Variants in ST6GALNAC2 observed in about 807,000 individuals in gnomAD.
ST6GALNAC2 encodes ST6 N-acetylgalactosaminide alpha-2,6-sialyltransferase 2.
ST6GALNAC2 carries 42 observed loss-of-function variants against 38.7 expected under a neutral mutation model. That is an observed-to-expected ratio of 1.09 (90% CI 0.85 to 1.40). The LOEUF is 1.40. ST6GALNAC2 is among the 40% of genes most tolerant of loss of function. The pLI, the probability that ST6GALNAC2 is intolerant of heterozygous loss-of-function variation, is 0.00. For missense variants in ST6GALNAC2, 506 were observed against 481.7 expected, an observed-to-expected ratio of 1.05 and a Z score of -0.47; for synonymous variants, 233 against 209.0, an observed-to-expected ratio of 1.11 and a Z score of -0.99.
In ST6GALNAC2 at chr17:76,570,645, G is replaced by C. The variant is rs975406436; in HGVS notation, c.693C>G (p.Pro231=). Residue 231 remains proline (P), a synonymous_variant, in exon 6 of 9, where the codon CCC becomes CCG. Transcript: ENST00000225276. ...GCATCACATAGTCGCGGATGTCTGA[G>C]GGGATGAAGATATACTGCAGGTCCT... ...QGQDLQYIFI[P]SDIRDYVMLR... 2.5e-6 allele frequency: 4 copies of C among 1,612,652 alleles called. No homozygotes were observed. The highest frequency in any genetic ancestry group is 3.4e-6 in the Non-Finnish European group (4 of 1,179,568).
intron 1 of ST6GALNAC2, among the ~76,000 whole-genome samples, chr17:76,580,106 T>C (rs1267841688): frequency 6.6e-6 from 1 of 152,134 alleles, no homozygotes; most frequent in Non-Finnish European, 1.5e-5. Flanking sequence ...ACAGAGACTG[T>C]ATGTTAGCAC....
intron 1 of ST6GALNAC2, among the ~76,000 whole-genome samples, chr17:76,581,308 C>T (rs750014330): frequency 2.0e-5 from 3 of 152,022 alleles, no homozygotes; most frequent in South Asian, 2.1e-4. Context: ...GGAACTAGGA[C>T]GGTGGTGCTC....
At chr17:76,577,966 G>A (rs1465875175) in intron 2 of ST6GALNAC2, among the ~76,000 whole-genome samples, 1 of 152,136 alleles carries the variant, frequency 6.6e-6, no homozygotes, top group Non-Finnish European at 1.5e-5. Flanking sequence ...AGCATGCAGT[G>A]AAATCTTTCT....
intron 1 of ST6GALNAC2, 38 bp downstream of exon 1, chr17:76,585,646 C>T (rs768590343): frequency 2.7e-6 from 4 of 1,502,990 alleles, no homozygotes; most frequent in South Asian, 2.5e-5. Flanking sequence ...GCCCTGGTCG[C>T]CCCTGCGCCC....
At chr17:76,582,722 T>C (rs903731723) in intron 1 of ST6GALNAC2, among the ~76,000 whole-genome samples, 2 of 152,170 alleles carry the variant, frequency 1.3e-5, no homozygotes, top group Non-Finnish European at 2.9e-5. Flanking sequence ...CAGATGCCCA[T>C]CTTCCTGGAC....
intron 1 of ST6GALNAC2, among the ~76,000 whole-genome samples, chr17:76,584,659 A>G (rs1239920415): frequency 6.6e-6 from 1 of 152,142 alleles, no homozygotes; most frequent in Non-Finnish European, 1.5e-5. Flanking sequence ...CCTTTGTTCT[A>G]AGAGTGCTGG....
At chr17:76,578,870 G>A in intron 1 of ST6GALNAC2, 54 bp from the exon 2 acceptor site, 1 of 1,557,972 alleles carries the variant, frequency 6.4e-7, no homozygotes. Context: ...CTACCCCTTG[G>A]AAGCTTTTGG....
In ST6GALNAC2 at chr17:76,566,025, A is replaced by G; in HGVS notation, c.*79T>C. Reference sequence around the variant, plus strand: ...GTTGGCAAGGGAAGGTGAAGATTGAAAAGTTAAAAAAGCTTTTGGCCACTT... The same window carrying G: ...GTTGGCAAGGGAAGGTGAAGATTGAGAAGTTAAAAAAGCTTTTGGCCACTT... On this transcript the variant is annotated 3_prime_UTR_variant, in exon 9 of 9. Transcript: ENST00000225276. The G allele has an allele frequency of 6.8e-7, 1 of 1,473,282 alleles. No homozygotes were observed. The highest frequency in any genetic ancestry group is 1.4e-5 in the African/African-American group (1 of 70,564). 91.3% of individuals were successfully genotyped at this position (1,473,282 alleles called of 1,614,324 possible). A position where few individuals can be genotyped will look rare whatever the true frequency, so the allele number is the denominator to read the frequency against.
intron 6 of ST6GALNAC2, chr17:76,569,029 G>C (rs1340608794): frequency 2.9e-6 from 1 of 346,382 alleles, no homozygotes; most frequent in Admixed American, 4.7e-5. Context: ...GAGAGAGGAG[G>C]GGGGCATGAA....
At chr17:76,574,642 G>C in intron 2 of ST6GALNAC2, 103 bp from the exon 3 acceptor site, 1 of 966,976 alleles carries the variant, frequency 1.0e-6, no homozygotes, top group Non-Finnish European at 1.5e-6. Flanking sequence ...GGGAAGGCCT[G>C]CCCTGTCCCC....
At chr17:76,583,516 G>A (rs1369652893) in intron 1 of ST6GALNAC2, among the ~76,000 whole-genome samples, 2 of 151,748 alleles carry the variant, frequency 1.3e-5, no homozygotes, top group Non-Finnish European at 2.9e-5. Flanking sequence ...GTCCCCAAAA[G>A]ATTATTTTTA....
chr17:76,581,679 T>C (rs2075477343), intron 1 of ST6GALNAC2, among the ~76,000 whole-genome samples: 2 of 152,102 alleles, frequency 1.3e-5, no homozygotes, highest in South Asian at 4.1e-4. Context: ...CCGCTCCTAC[T>C]GATCCTTCCA....
intron 6 of ST6GALNAC2, 40 bp from the exon 7 acceptor site, chr17:76,568,836 G>C (rs372171913): frequency 3.2e-5 from 51 of 1,602,182 alleles, no homozygotes; most frequent in Non-Finnish European, 4.3e-5. Flanking sequence ...GCCCAGAGCC[G>C]TCGTATTGCA....
At chr17:76,566,747 C>A (rs1343776209) in intron 8 of ST6GALNAC2, among the ~76,000 whole-genome samples, 1 of 149,062 alleles carries the variant, frequency 6.7e-6, no homozygotes, top group African/African-American at 2.6e-5. Context: ...CCTGTGATCC[C>A]AGCTACCCAG....
chr17:76,569,771 C>T (rs1220005794), intron 6 of ST6GALNAC2: 2 of 214,950 alleles, frequency 9.3e-6, no homozygotes, highest in African/African-American at 2.6e-5. Flanking sequence ...AATCACCAAG[C>T]GGGGGTGGGG....
At chr17:76,581,516 G>C (rs568438731) in intron 1 of ST6GALNAC2, among the ~76,000 whole-genome samples, 1 of 152,172 alleles carries the variant, frequency 6.6e-6, no homozygotes. Flanking sequence ...TGCGGGACAG[G>C]GCAGAGTTGA....
chr17:76,567,632 G>GCGACCACC, intron 7 of ST6GALNAC2, 80 bp from the exon 8 acceptor site: 1 of 967,806 alleles, frequency 1.0e-6, no homozygotes, highest in Non-Finnish European at 1.6e-6. Context: ...CAAATAGGTG[G>GCGACCACC]GAAAACTTCA....
At chr17:76,583,940 T>G (rs1286217211) in intron 1 of ST6GALNAC2, among the ~76,000 whole-genome samples, 2 of 145,902 alleles carry the variant, frequency 1.4e-5, no homozygotes, top group Non-Finnish European at 3.0e-5. Context: ...CCCGAGTAGC[T>G]GGGACTACAG....
rs138357790 is a variant in ST6GALNAC2 at position 76,573,358 on chromosome 17, C to G, written c.367G>C (p.Ala123Pro). The G allele has an allele frequency of 3.2e-6, 5 of 1,540,332 alleles. No homozygotes were observed. In the African/African-American group the frequency reaches 6.8e-5, roughly 21 times the overall value. The change falls in exon 4 of 9, where the codon GCC becomes CCC. Residue 123 changes from alanine to proline, a missense_variant. Coordinates refer to ENST00000225276, the MANE Select transcript of ST6GALNAC2 (RefSeq NM_006456.3). The surrounding 1 kb of genome is among the most constrained non-coding windows in gnomAD (Gnocchi z 5.1). Reference protein sequence around the residue: ...GWRGLSHQVIASTLSLLNGSE... With the variant: ...GWRGLSHQVIPSTLSLLNGSE... ...CCGTTCAGAAGGCTCAGGGTGGAGG[C>G]GATGACTGTGGGTGCAGATGGGGAG... is the stretch of plus-strand genomic sequence containing the variant.
Sources: allele counts gnomAD v4.1 joint callset (sites outside exome capture counted in the v4.1 genomes callset), GRCh38; gene constraint gnomAD v4.1.1; non-coding constraint Gnocchi (gnomAD v3.1); transcripts MANE v1.5; gene names NCBI Gene and HGNC (gene_info 2026-07-23, HGNC 2026-07-21).